The following RAD23B variants were observed in gnomAD, a reference collection of about 807,000 sequenced individuals.
RAD23B encodes lysine-specific demethylase RAD23B.
In RAD23B, 5 loss-of-function variants were observed where a neutral mutation model predicts 49.1. That is an observed-to-expected ratio of 0.10 (90% confidence interval 0.05 to 0.21). RAD23B has a LOEUF of 0.21. RAD23B is among the 10% of genes least tolerant of loss of function. The pLI is 1.00. For synonymous variants in RAD23B, 184 were observed against 165.4 expected (o/e 1.11, Z -0.86); for missense variants, 356 against 486.7 (o/e 0.73, Z 2.53).
At chr9:107,298,512 G>C (rs900681499) in intron 1 of RAD23B, among the ~76,000 whole-genome samples, 1 of 34,508 alleles carries the variant, frequency 2.9e-5, no homozygotes, top group Non-Finnish European at 5.3e-5. Context: ...TGCATTTTTA[G>C]TAGAGACAGG....
rs1232540792 is a variant in RAD23B at position 107,318,795 on chromosome 9, A to G, written c.597A>G (p.Ser199=). ...AGAATATGGTAACTGAGATCATGTC[A>G]ATGGGCTATGAACGAGAGCAAGTAA... The part of the protein sequence containing the change: ...SYENMVTEIM[S]MGYEREQVIA... Residue 199 remains serine, a synonymous_variant, in exon 6 of 10, where the codon TCA becomes TCG. Coordinates refer to ENST00000358015, the MANE Select transcript of RAD23B (RefSeq NM_002874.5). The surrounding 1 kb of genome is among the most constrained non-coding windows in gnomAD (Gnocchi z 4.3). 1.9e-6 allele frequency: 3 copies of G among 1,613,646 alleles called. No individual in the cohort carries two copies. The highest frequency in any genetic ancestry group is 2.5e-6 in the Non-Finnish European group (3 of 1,179,712).
intron 6 of RAD23B, among the ~76,000 whole-genome samples, chr9:107,321,025 T>C (rs1398066649): frequency 1.3e-5 from 2 of 152,168 alleles, no homozygotes; most frequent in African/African-American, 4.8e-5. Flanking sequence ...GATAAAGACT[T>C]TTTAAAAATT....
At chr9:107,302,179 A>C (rs1315488857) in intron 3 of RAD23B, 65 bp downstream of exon 3, 1 of 1,601,356 alleles carries the variant, frequency 6.2e-7, no homozygotes, top group Non-Finnish European at 8.5e-7. Flanking sequence ...GATGATCACA[A>C]GTCCACACAA....
In RAD23B at chr9:107,318,854, A is replaced by G; in HGVS notation, c.656A>G (p.Asp219Gly). The G allele has an allele frequency of 6.2e-7, 1 of 1,613,740 alleles. No homozygotes were observed. Residue 219 changes from aspartate to glycine, a missense_variant, in exon 6 of 10, where the codon GAC becomes GGC. Around this residue, in one of 5 missense-constraint regions of RAD23B, gnomAD observed 148 missense variants for 231.7 expected, o/e 0.64. Coordinates refer to ENST00000358015, the MANE Select transcript of RAD23B (RefSeq NM_002874.5). This position sits in a 1 kb window ranked among gnomAD's most constrained non-coding sequence, Gnocchi z 4.3. ...AALRASFNNPDRAVEYLLMGI... is the reference protein window; with the variant it reads ...AALRASFNNPGRAVEYLLMGI... Reference sequence around the variant, plus strand: ...CTGAGAGCCAGTTTCAACAACCCTGACAGAGCAGTGGAGTATCTTTTAATG... The same window carrying G: ...CTGAGAGCCAGTTTCAACAACCCTGGCAGAGCAGTGGAGTATCTTTTAATG...
intron 1 of RAD23B, chr9:107,284,663 C>T (rs779532270): frequency 1.6e-4 from 166 of 1,055,542 alleles, no homozygotes; most frequent in Non-Finnish European, 1.8e-4. Flanking sequence ...AAATTTACTG[C>T]TTATGTTCGG....
At chr9:107,290,924 T>G (rs1833371659) in intron 1 of RAD23B, among the ~76,000 whole-genome samples, 1 of 152,220 alleles carries the variant, frequency 6.6e-6, no homozygotes, top group African/African-American at 2.4e-5. Flanking sequence ...ATTTGCTAAA[T>G]TTAACCCTAC....
chr9:107,329,161 A>C (rs926828275), intron 9 of RAD23B, among the ~76,000 whole-genome samples: 5 of 152,312 alleles, frequency 3.3e-5, no homozygotes, highest in East Asian at 1.9e-4. Context: ...CCTTATCTTC[A>C]CTCTTAATAT....
intron 1 of RAD23B, among the ~76,000 whole-genome samples, chr9:107,294,743 A>G (rs1361387764): frequency 6.6e-6 from 1 of 152,208 alleles, no homozygotes; most frequent in African/African-American, 2.4e-5. Context: ...GTGTGCATAA[A>G]TGAAGGTCAG....
At chr9:107,312,955 G>A (rs934039572) in intron 5 of RAD23B, among the ~76,000 whole-genome samples, 4 of 152,104 alleles carry the variant, frequency 2.6e-5, no homozygotes, top group African/African-American at 7.2e-5. Context: ...CCTCTGTGAC[G>A]ATGTCTTCCC....
At chr9:107,320,196 T>G (rs1827080161) in intron 6 of RAD23B, among the ~76,000 whole-genome samples, 1 of 152,262 alleles carries the variant, frequency 6.6e-6, no homozygotes, top group Non-Finnish European at 1.5e-5. Flanking sequence ...TTAAATTCAC[T>G]TTTTCATTAT....
At chr9:107,303,014 A>G (rs1826689919) in intron 3 of RAD23B, among the ~76,000 whole-genome samples, 1 of 152,214 alleles carries the variant, frequency 6.6e-6, no homozygotes, top group Non-Finnish European at 1.5e-5. Flanking sequence ...ATTTGGAACA[A>G]TTTATAAAAT....
intron 7 of RAD23B, 107 bp from the exon 8 acceptor site, chr9:107,323,783 T>G (rs1211813965): frequency 9.3e-7 from 1 of 1,078,292 alleles, no homozygotes; most frequent in East Asian, 2.4e-5. Context: ...ATCTGAGAAC[T>G]CAAATCATTT....
intron 9 of RAD23B, 100 bp from the exon 10 acceptor site, chr9:107,329,443 A>G: frequency 1.4e-6 from 1 of 720,662 alleles, no homozygotes; most frequent in Admixed American, 2.8e-5. Context: ...TTGAGTAATG[A>G]TTTATCTTTA....
intron 3 of RAD23B, among the ~76,000 whole-genome samples, chr9:107,305,109 C>A (rs1315818993): frequency 6.6e-6 from 1 of 150,702 alleles, no homozygotes; most frequent in Non-Finnish European, 1.5e-5. Flanking sequence ...GGTAACATGG[C>A]GAAACCTTGT....
chr9:107,324,739 G>A (rs1191214254), intron 8 of RAD23B, 95 bp from the exon 9 acceptor site: 1 of 1,262,614 alleles, frequency 7.9e-7, no homozygotes, highest in Non-Finnish European at 1.1e-6. Flanking sequence ...TTGCAAAAGT[G>A]TAGCCTTTTC....
At chr9:107,306,822 A>G (rs573424920) in intron 4 of RAD23B, among the ~76,000 whole-genome samples, 175 bp downstream of exon 4, 39 of 152,310 alleles carry the variant, frequency 2.6e-4, no homozygotes, top group Admixed American at 2.2e-3. Flanking sequence ...TAAGGAGAAT[A>G]TAAGTACAAA....
chr9:107,327,035 C>A (rs186493802), intron 9 of RAD23B, among the ~76,000 whole-genome samples: 18 of 152,278 alleles, frequency 1.2e-4, no homozygotes, highest in Admixed American at 9.8e-4. Flanking sequence ...TGCAATTGTA[C>A]ATATTTCCTT....
At chr9:107,289,667 A>G (rs950441395) in intron 1 of RAD23B, among the ~76,000 whole-genome samples, 5 of 152,176 alleles carry the variant, frequency 3.3e-5, no homozygotes, top group African/African-American at 1.2e-4. Flanking sequence ...TTTGAGAGGT[A>G]CAGTTGGCTG....
chr9:107,314,468 G>C (rs544198069), intron 5 of RAD23B, among the ~76,000 whole-genome samples: 1 of 152,260 alleles, frequency 6.6e-6, no homozygotes, highest in African/African-American at 2.4e-5. Flanking sequence ...ATTTCATTTA[G>C]GATAGTGGCC....
Sources: allele counts gnomAD v4.1 joint callset (sites outside exome capture counted in the v4.1 genomes callset), GRCh38; gene constraint gnomAD v4.1.1; regional missense constraint gnomAD v4.1.1; non-coding constraint Gnocchi (gnomAD v3.1); transcripts MANE v1.5; gene names NCBI Gene and HGNC (gene_info 2026-07-23, HGNC 2026-07-21).